Variants in DMRTC1 observed in about 807,000 individuals in gnomAD.
The protein encoded by DMRTC1 is DMRT like family C1.
For synonymous variants in DMRTC1, 7 were observed against 14.1 expected, an observed-to-expected ratio of 0.50 and a Z score of 1.13; for missense variants, 9 against 34.6, an observed-to-expected ratio of 0.26 and a Z score of 1.86.
chrX:72,879,821 C>T (rs1208468272), intron 1 of DMRTC1, among the ~76,000 whole-genome samples: 54 of 56,846 alleles, frequency 9.5e-4, no homozygotes, highest in African/African-American at 2.6e-3. Flanking sequence ...TCCCTCCTTC[C>T]CTCCCTCCCA....
chrX:72,887,261 C>T (rs1407669948), intron 1 of DMRTC1, among the ~76,000 whole-genome samples: 6 of 25,830 alleles, frequency 2.3e-4, no homozygotes, highest in African/African-American at 1.2e-3. Context: ...CGTTCAGCTC[C>T]CACCTATGAG....
chrX:72,882,260 G>A, intron 1 of DMRTC1, among the ~76,000 whole-genome samples: 1 of 53,808 alleles, frequency 1.9e-5, no homozygotes, highest in South Asian at 1.2e-3. Context: ...TGCTGTGGCA[G>A]AGACAGAGCA....
intron 1 of DMRTC1, among the ~76,000 whole-genome samples, chrX:72,879,864 TGGGCTG>T (rs2054839510): frequency 1.5e-5 from 1 of 65,080 alleles, no homozygotes; most frequent in African/African-American, 5.9e-5. Flanking sequence ...CTTCCTTCCT[TGGGCTG>T]CTTTCTTTAT....
At position 72,913,391 on chromosome X, in the gene DMRTC1, G is replaced by A. The variant is rs1429374414; in HGVS notation, c.-95+30184C>T. 2.6e-4 allele frequency: 115 copies of A among 444,704 alleles called. 1 individual carries two copies. The highest frequency in any genetic ancestry group is 4.5e-4 in the Non-Finnish European group (113 of 249,673). 36.6% of individuals were successfully genotyped at this position (444,704 alleles called of 1,213,427 possible). A position where few individuals can be genotyped will look rare whatever the true frequency, so the allele number is the denominator to read the frequency against. ...CCGGGCCTGAAATAAATGCTGGCAC[G>A]CTTGACTGTTTTTGCTTTGTGGCAT... is the stretch of plus-strand genomic sequence containing the variant. On this transcript the variant is annotated intron_variant, in intron 1 of 6. Coordinates refer to ENST00000615063, the MANE Select transcript of DMRTC1 (RefSeq NM_033053.3).
intron 1 of DMRTC1, chrX:72,913,534 G>A (rs1456412331): frequency 5.1e-6 from 2 of 388,825 alleles, no homozygotes; most frequent in Non-Finnish European, 4.3e-6. Flanking sequence ...TGCCCTCCTC[G>A]AGGCAGCGCT....
rs782468350 is a variant in DMRTC1 at position 72,874,815 on chromosome X, C to T, written c.257+10G>A. ...GACACAACCTGCTCCATGGTCCTCA[C>T]GCTACTCACATGCTGGGCAGGGCAG... On this transcript the variant is annotated intron_variant, in intron 4 of 6. Transcript: ENST00000615063. 3.1e-5 allele frequency: 5 copies of T among 160,941 alleles called. No individual in the cohort carries two copies. The highest frequency in any genetic ancestry group is 4.0e-4 in the South Asian group (2 of 5,055). 13.3% of individuals were successfully genotyped at this position (160,941 alleles called of 1,213,427 possible).
chrX:72,886,806 A>C (rs1234267921), intron 1 of DMRTC1, among the ~76,000 whole-genome samples: 2 of 58,228 alleles, frequency 3.4e-5, no homozygotes, highest in Non-Finnish European at 5.9e-5. Flanking sequence ...ATTGCATTGA[A>C]TCTGTAGATT....
intron 1 of DMRTC1, among the ~76,000 whole-genome samples, chrX:72,879,790 T>C (rs191423704): frequency 0.06 from 6,017 of 100,432 alleles, 2 homozygotes; most frequent in Non-Finnish European, 0.072. Context: ...TCTTTCTCTT[T>C]CTCCTTCCTT....
chrX:72,880,622 C>CTTTGA lies in DMRTC1; in HGVS notation c.-94-4835_-94-4834insTCAAA, dbSNP rs1322091252. ...CTTTGCTTTGCTTTGCTTTGCTTTG[C>CTTTGA]TTTGCTTTGCTTTGCTTTGCTTTGC... On this transcript the variant is annotated intron_variant, in intron 1 of 6. Transcript: ENST00000615063. Among the ~76,000 whole-genome samples the CTTTGA allele has an allele frequency of 6.0e-4, 12 of 20,079 alleles. 1 individual carries two copies. In the South Asian group the frequency reaches 0.022, roughly 37 times the overall value. The allele number at this position is 20,079 out of a possible 115,157, so 17.4% of individuals were successfully genotyped here.
At chrX:72,912,978 C>T (rs1273833629) in intron 1 of DMRTC1, 7 of 473,693 alleles carry the variant, frequency 1.5e-5, no homozygotes, top group Non-Finnish European at 2.6e-5. Context: ...GTTGCTGTAT[C>T]TGACACCGCG....
chrX:72,879,147 G>GTT lies in DMRTC1; in HGVS notation c.-94-3361_-94-3360dup, dbSNP rs781972795. On this transcript the variant is annotated intron_variant, in intron 1 of 6. Coordinates refer to ENST00000615063, the MANE Select transcript of DMRTC1 (RefSeq NM_033053.3). ...TTGAAGTTATGGGGGTTTTTTGTTT[G>GTT]TTTTTTTTTTTTTTTTTTTTTTTGG... 5.8e-3 allele frequency among the ~76,000 whole-genome samples: 74 copies of GTT among 12,782 alleles called. 1 individual carries two copies. The highest frequency in any genetic ancestry group is 8.4e-3 in the African/African-American group (40 of 4,782). 11.1% of individuals were successfully genotyped at this position (12,782 alleles called of 115,157 possible). A position where few individuals can be genotyped will look rare whatever the true frequency, so the allele number is the denominator to read the frequency against.
intron 1 of DMRTC1, among the ~76,000 whole-genome samples, chrX:72,879,788 TTTC>T (rs1556352561): frequency 7.9e-4 from 88 of 111,225 alleles, no homozygotes; most frequent in Non-Finnish European, 1.4e-3. Context: ...TCTCTTTCTC[TTTC>T]TCCTTCCTTC....
At chrX:72,886,606 C>T (rs1303022748) in intron 1 of DMRTC1, among the ~76,000 whole-genome samples, 1 of 11,489 alleles carries the variant, frequency 8.7e-5, no homozygotes, top group Non-Finnish European at 1.5e-4. Flanking sequence ...AACAATATCA[C>T]GGTGTCTTGG....
chrX:72,913,110 G>C, intron 1 of DMRTC1: 2 of 485,936 alleles, frequency 4.1e-6, no homozygotes, highest in South Asian at 5.4e-5. Context: ...GAGCTCCTTC[G>C]GAGCCAGCCT....
chrX:72,874,752 C>T (rs2054794445), intron 4 of DMRTC1, 73 bp downstream of exon 4: 1 of 233,451 alleles, frequency 4.3e-6, no homozygotes, highest in Non-Finnish European at 6.6e-6. Flanking sequence ...CTTCCTCCTC[C>T]ATCTCCCACG....
At chrX:72,915,841 GTTC>G (rs1211795069) in intron 1 of DMRTC1, among the ~76,000 whole-genome samples, 2 of 68,111 alleles carry the variant, frequency 2.9e-5, no homozygotes, top group African/African-American at 1.4e-4. Context: ...CGAGTTATGA[GTTC>G]TTCTCCTTTG....
At chrX:72,906,075 A>G (rs1379933176) in intron 1 of DMRTC1, among the ~76,000 whole-genome samples, 2 of 70,665 alleles carry the variant, frequency 2.8e-5, no homozygotes, top group Non-Finnish European at 5.0e-5. Flanking sequence ...TGATGCCAGA[A>G]ATATAAAAAG....
chrX:72,886,905 T>A (rs1252129248), intron 1 of DMRTC1, among the ~76,000 whole-genome samples: 15 of 100,619 alleles, frequency 1.5e-4, no homozygotes, highest in Non-Finnish European at 2.6e-4. Flanking sequence ...TGGTCTTCAA[T>A]TTTTTTTATC....
intron 1 of DMRTC1, chrX:72,913,113 G>A (rs1852276477): frequency 2.1e-6 from 1 of 483,897 alleles, no homozygotes; most frequent in African/African-American, 2.7e-5. Flanking sequence ...CTCCTTCGGA[G>A]CCAGCCTCTG....
Sources: allele counts gnomAD v4.1 joint callset (sites outside exome capture counted in the v4.1 genomes callset), GRCh38; gene constraint gnomAD v4.1.1; transcripts MANE v1.5; gene names NCBI Gene and HGNC (gene_info 2026-07-23, HGNC 2026-07-21).